The following RNF220 variants were observed in gnomAD, a reference collection of about 807,000 sequenced individuals.
RNF220 encodes E3 ubiquitin-protein ligase RNF220.
Under a neutral mutation model 67.1 loss-of-function variants are expected in RNF220, and 7 were observed. The observed-to-expected ratio is 0.10, with a 90% CI of 0.06 to 0.20. RNF220 has a LOEUF of 0.20. Ranked by LOEUF, RNF220 falls within the 10% of genes least tolerant of loss-of-function variation. The pLI is 1.00. For missense variants in RNF220, 565 were observed against 740.3 expected (o/e 0.76, Z 2.75); for synonymous variants, 270 against 283.2 (o/e 0.95, Z 0.47).
chr1:44,472,181 C>T (rs1413781043), intron 2 of RNF220, among the ~76,000 whole-genome samples: 1 of 152,090 alleles, frequency 6.6e-6, no homozygotes, highest in Non-Finnish European at 1.5e-5. Flanking sequence ...GTGCACATTG[C>T]TGTACAAGTT....
chr1:44,455,245 G>T (rs1653061353), intron 2 of RNF220, among the ~76,000 whole-genome samples: 1 of 152,074 alleles, frequency 6.6e-6, no homozygotes, highest in African/African-American at 2.4e-5. Flanking sequence ...CTTTAGCGAG[G>T]GCATAGGACA....
chr1:44,637,291 G>A (rs1644357362), intron 8 of RNF220, among the ~76,000 whole-genome samples: 1 of 152,238 alleles, frequency 6.6e-6, no homozygotes, highest in Admixed American at 6.5e-5. Context: ...GGTGTTTGGG[G>A]GCAAGCCAAA....
At position 44,565,405 on chromosome 1, in the gene RNF220, T is replaced by C. The variant is rs1663921746; in HGVS notation, c.626-48760T>C. Among the ~76,000 whole-genome samples the C allele has an allele frequency of 6.6e-6, 1 of 151,408 alleles. No homozygotes were observed. Among genetic ancestry groups the C allele is most frequent in the Non-Finnish European group, 1.5e-5 (1 of 67,870 alleles). On this transcript the variant is annotated intron_variant, in intron 2 of 14. Transcript: ENST00000361799. This position sits in a 1 kb window ranked among gnomAD's most constrained non-coding sequence, Gnocchi z 4.2. ...TCGGGCAAGCACCTCAGCCAGGGAG[T>C]AATGGAGTTAGGGAGGAAGGGCCCA... is the stretch of plus-strand genomic sequence containing the variant.
In RNF220 at chr1:44,417,995, GC is replaced by G. The variant is rs1311054173; in HGVS notation, c.625+5279del. Among the ~76,000 whole-genome samples the G allele has an allele frequency of 6.6e-6, 1 of 151,932 alleles. No homozygotes were observed. Among genetic ancestry groups the G allele is most frequent in the South Asian group, 2.1e-4 (1 of 4,826 alleles). On this transcript the variant is annotated intron_variant, in intron 2 of 14. Coordinates refer to ENST00000361799, the MANE Select transcript of RNF220 (RefSeq NM_018150.4). This position sits in a 1 kb window ranked among gnomAD's most constrained non-coding sequence, Gnocchi z 4.0. Reference sequence around the variant, plus strand: ...GGCCGCACACACGAGGGCCCGTCGCGCCCCCCGCCCTGCCCCGCCTCGCCCT... The same window carrying G: ...GGCCGCACACACGAGGGCCCGTCGCGCCCCCGCCCTGCCCCGCCTCGCCCT...
chr1:44,608,309 CAG>C (rs1213017036), intron 2 of RNF220, among the ~76,000 whole-genome samples: 2 of 152,186 alleles, frequency 1.3e-5, no homozygotes, highest in South Asian at 2.1e-4. Flanking sequence ...TCCCTGAGGG[CAG>C]AGAGTGCGCC....
chr1:44,479,747 AT>A lies in RNF220; in HGVS notation c.625+67030del, dbSNP rs995644817. ...GAGAGATTGGAGATGAGAAAGTTTT[AT>A]TTTTCAACCCCACAAATTCTGGGTT... On this transcript the variant is annotated intron_variant, in intron 2 of 14. Coordinates refer to ENST00000361799, the MANE Select transcript of RNF220 (RefSeq NM_018150.4). Among the ~76,000 whole-genome samples, 40 of 152,170 alleles carry A rather than the reference AT, an allele frequency of 2.6e-4. 1 individual carries two copies. The highest frequency in any genetic ancestry group is 3.4e-3 in the Middle Eastern group (1 of 294).
chr1:44,474,331 C>T (rs549761567), intron 2 of RNF220, among the ~76,000 whole-genome samples: 4 of 151,276 alleles, frequency 2.6e-5, no homozygotes, highest in African/African-American at 7.3e-5. Flanking sequence ...GCCGAGATCA[C>T]GCCATTGCAT....
chr1:44,619,109 C>G (rs1643685162), intron 3 of RNF220, among the ~76,000 whole-genome samples: 1 of 152,066 alleles, frequency 6.6e-6, no homozygotes, highest in Non-Finnish European at 1.5e-5. Context: ...AGGAGTTGGC[C>G]CCCAGACTTC....
At chr1:44,632,711 T>C in intron 6 of RNF220, 1 of 489,026 alleles carries the variant, frequency 2.0e-6, no homozygotes, top group East Asian at 3.5e-5. Context: ...TGCTGGGACC[T>C]CACTATACAA....
intron 2 of RNF220, among the ~76,000 whole-genome samples, chr1:44,443,439 G>C (rs1432073205): frequency 1.3e-5 from 2 of 152,096 alleles, no homozygotes; most frequent in African/African-American, 2.4e-5. Flanking sequence ...ACATGCTCTG[G>C]CATTAGCATC....
At chr1:44,550,753 C>T (rs774146524) in intron 2 of RNF220, among the ~76,000 whole-genome samples, 10 of 152,106 alleles carry the variant, frequency 6.6e-5, no homozygotes, top group East Asian at 1.9e-4. Flanking sequence ...GTTTCCAGCC[C>T]GTTTAGTTCT....
At chr1:44,448,873 T>C (rs1271432848) in intron 2 of RNF220, among the ~76,000 whole-genome samples, 1 of 152,200 alleles carries the variant, frequency 6.6e-6, no homozygotes, top group East Asian at 1.9e-4. Flanking sequence ...TGAGCCTGAC[T>C]TTTATGTGGA....
intron 2 of RNF220, among the ~76,000 whole-genome samples, chr1:44,594,480 T>C (rs1558075135): frequency 6.6e-6 from 1 of 152,232 alleles, no homozygotes. Flanking sequence ...AGGGAGAGTC[T>C]GGGAGAGCAG....
At position 44,649,849 on chromosome 1, in the gene RNF220, C is replaced by T. The variant is rs974575965; in HGVS notation, c.1555-34C>T. ...GGAGTTGGAGAGGGTGGGCCTACCT[C>T]AGAGTGACCCCTTCTCTGCCCCCTC... On this transcript the variant is annotated intron_variant, in intron 13 of 14. Coordinates refer to ENST00000361799, the MANE Select transcript of RNF220 (RefSeq NM_018150.4). The surrounding 1 kb of genome is among the most constrained non-coding windows in gnomAD (Gnocchi z 5.9). The T allele has an allele frequency of 3.1e-6, 5 of 1,613,812 alleles. No individual in the cohort carries two copies. Among genetic ancestry groups the T allele is most frequent in the Non-Finnish European group, 4.2e-6 (5 of 1,179,766 alleles).
intron 2 of RNF220, among the ~76,000 whole-genome samples, chr1:44,471,828 A>AAAAAAAGAAC (rs1654840417): frequency 1.3e-5 from 2 of 152,248 alleles, no homozygotes; most frequent in African/African-American, 4.8e-5. Context: ...CCATCTCAAA[A>AAAAAAAGAAC]AAAAAAGAAC....
intron 4 of RNF220, among the ~76,000 whole-genome samples, chr1:44,625,916 G>A (rs1311761260): frequency 6.6e-6 from 1 of 152,072 alleles, no homozygotes; most frequent in Non-Finnish European, 1.5e-5. Context: ...CTGTATTAAG[G>A]GCAGGCGGGG....
intron 2 of RNF220, among the ~76,000 whole-genome samples, chr1:44,534,340 A>G (rs778220785): frequency 4.0e-4 from 60 of 151,308 alleles, no homozygotes; most frequent in Non-Finnish European, 7.4e-4. Context: ...TATTATTATT[A>G]TACTTTAAGT....
At chr1:44,573,956 A>G (rs1311824302) in intron 2 of RNF220, among the ~76,000 whole-genome samples, 1 of 151,808 alleles carries the variant, frequency 6.6e-6, no homozygotes, top group Non-Finnish European at 1.5e-5. Context: ...TCTACAAAAA[A>G]TACCAAAAAA....
chr1:44,649,438 T>G lies in RNF220; in HGVS notation c.1446-223T>G. On this transcript the variant is annotated intron_variant, in intron 12 of 14. Transcript: ENST00000361799. This position sits in a 1 kb window ranked among gnomAD's most constrained non-coding sequence, Gnocchi z 5.9. ...AGTGGTTGAAAATGGTTCCCTGGTATCTGGTGTAGAAATTCATCCGAATGG... is the reference window on the plus strand; with the variant it reads ...AGTGGTTGAAAATGGTTCCCTGGTAGCTGGTGTAGAAATTCATCCGAATGG... 1.7e-6 allele frequency: 1 copy of G among 583,272 alleles called. No individual in the cohort carries two copies. Among genetic ancestry groups the G allele is most frequent in the Non-Finnish European group, 3.1e-6 (1 of 326,824 alleles). The allele number at this position is 583,272 out of a possible 1,614,324, so 36.1% of individuals were successfully genotyped here.
Sources: gnomAD v4.1 joint callset for allele counts (sites outside exome capture counted in the v4.1 genomes callset) on GRCh38, gnomAD v4.1.1 for gene constraint, Gnocchi (gnomAD v3.1) non-coding constraint, MANE v1.5 for transcripts, NCBI Gene and HGNC (gene_info 2026-07-23, HGNC 2026-07-21) for gene names.